Variants in STK31 observed in about 807,000 individuals in gnomAD.
The protein encoded by STK31 is serine/threonine kinase 31.
In STK31, 89 loss-of-function variants were observed where a neutral mutation model predicts 129.7. The ratio of observed to expected loss-of-function variants is 0.69; its 90% CI spans 0.58 to 0.82. STK31 has a LOEUF of 0.82. Among genes scored for constraint, STK31 ranks in the 40% least tolerant of loss-of-function variants. The pLI is 0.00. For synonymous variants in STK31, 448 were observed against 395.3 expected, an observed-to-expected ratio of 1.13 and a Z score of -1.58; for missense variants, 1,187 against 1,176.4, an observed-to-expected ratio of 1.01 and a Z score of -0.13.
In STK31 at chr7:23,735,423, A is replaced by G. The variant is rs774248170; in HGVS notation, c.484-115A>G. 8.9e-6 allele frequency: 8 copies of G among 896,274 alleles called. No individual in the cohort carries two copies. The Middle Eastern group carries it at 9.7e-4, about 108-fold the overall frequency. 55.5% of individuals were successfully genotyped at this position (896,274 alleles called of 1,614,324 possible). On this transcript the variant is annotated intron_variant, in intron 6 of 23. Coordinates refer to ENST00000355870, the MANE Select transcript of STK31 (RefSeq NM_031414.5). Reference sequence around the variant, plus strand: ...ATTTGCATATTATAGCCAACAGCAAAGTAATATAGAGATTTTAGAATGAAG... The same window carrying G: ...ATTTGCATATTATAGCCAACAGCAAGGTAATATAGAGATTTTAGAATGAAG...
chr7:23,727,288 A>C lies in STK31; in HGVS notation c.297A>C (p.Lys99Asn), dbSNP rs1787142387. The change falls in exon 5 of 24, where the codon AAA becomes AAC. Residue 99 changes from lysine (K) to asparagine (N), a missense_variant. By Grantham distance (94) the Lys-to-Asn change is moderately conservative. Around this residue, in one of 5 missense-constraint regions of STK31, gnomAD observed 103 missense variants for 110.4 expected, o/e 0.93. Transcript: ENST00000355870. Reference protein sequence around the residue: ...FSEDQCWYRCKVLKIISVEKC... With the variant: ...FSEDQCWYRCNVLKIISVEKC... ...AAGATCAGTGTTGGTACAGATGCAA[A>C]GTACTGAAAATCATCAGCGTTGAAA... 3 of 1,613,534 alleles carry C rather than the reference A, an allele frequency of 1.9e-6. No homozygotes were observed. The Admixed American group carries it at 5.0e-5, about 27-fold the overall frequency.
chr7:23,720,137 A>G (rs1188339704), intron 4 of STK31, among the ~76,000 whole-genome samples: 1 of 152,204 alleles, frequency 6.6e-6, no homozygotes, highest in Non-Finnish European at 1.5e-5. Context: ...GATATTAAGT[A>G]CAAAATGAAA....
At chr7:23,781,313 G>A (rs1444450711) in intron 15 of STK31, 106 bp from the exon 16 acceptor site, 2 of 763,300 alleles carry the variant, frequency 2.6e-6, no homozygotes, top group Non-Finnish European at 4.3e-6. Flanking sequence ...AGGTACTGAA[G>A]GATACATAGA....
At chr7:23,712,666 G>C (rs146772794) in intron 3 of STK31, among the ~76,000 whole-genome samples, 1 of 151,978 alleles carries the variant, frequency 6.6e-6, no homozygotes, top group African/African-American at 2.4e-5. Flanking sequence ...TAAAAATCTC[G>C]GTCGTTTTTT....
intron 1 of STK31, 36 bp from the exon 2 acceptor site, chr7:23,712,063 T>A: frequency 6.6e-7 from 1 of 1,515,788 alleles, no homozygotes; most frequent in Non-Finnish European, 9.1e-7. Flanking sequence ...TTATTAATGG[T>A]GGATTATTGT....
intron 22 of STK31, among the ~76,000 whole-genome samples, chr7:23,810,695 A>G (rs1793044857): frequency 9.8e-6 from 1 of 102,462 alleles, no homozygotes; most frequent in Admixed American, 1.2e-4. Flanking sequence ...TATTATATAT[A>G]AAATAGATAT....
intron 15 of STK31, among the ~76,000 whole-genome samples, chr7:23,774,549 T>A (rs967467218): frequency 6.6e-6 from 1 of 152,244 alleles, no homozygotes; most frequent in Admixed American, 6.5e-5. Flanking sequence ...TGAGCATTTT[T>A]TCATGTGTCT....
Position 23,736,935 on chromosome 7 carries a change from G to T in STK31, c.874G>T (p.Gly292Trp). 1.2e-6 allele frequency: 2 copies of T among 1,606,306 alleles called. No homozygotes were observed. The highest frequency in any genetic ancestry group is 1.7e-6 in the Non-Finnish European group (2 of 1,177,374). The change falls in exon 8 of 24, where the codon GGG becomes TGG. Residue 292 changes from glycine (G) to tryptophan (W), a missense_variant. This residue lies in a region of STK31 where 975 missense variants were observed against 934.9 expected (regional missense o/e 1.04). Coordinates refer to ENST00000355870, the MANE Select transcript of STK31 (RefSeq NM_031414.5). ...ESLAVGDFNL[G>W]SNVSLEKIKQ... ...TTTGGCTGTTGGTGACTTTAATTTA[G>T]GGTCTAACGTCAGCCTGGAAAAAAT...
intron 23 of STK31, among the ~76,000 whole-genome samples, chr7:23,824,088 G>T (rs571727873): frequency 2.0e-3 from 303 of 152,148 alleles, no homozygotes; most frequent in African/African-American, 6.5e-3. Flanking sequence ...CGGGCTCTTT[G>T]TTGGTTCCAT....
intron 17 of STK31, among the ~76,000 whole-genome samples, chr7:23,784,181 C>G (rs538292070): frequency 6.6e-6 from 1 of 152,058 alleles, no homozygotes; most frequent in African/African-American, 2.4e-5. Flanking sequence ...TTAGTAAACA[C>G]TGGTTTACTA....
chr7:23,828,577 G>A (rs531064011), intron 23 of STK31, among the ~76,000 whole-genome samples: 567 of 152,244 alleles, frequency 3.7e-3, no homozygotes, highest in Non-Finnish European at 5.1e-3. Context: ...TTCAGCTCAC[G>A]CATGGTGCGC....
intron 23 of STK31, among the ~76,000 whole-genome samples, chr7:23,825,109 T>C (rs1317597990): frequency 1.3e-5 from 2 of 152,162 alleles, no homozygotes; most frequent in Non-Finnish European, 2.9e-5. Flanking sequence ...GATGCTGGCC[T>C]CATAAAATGA....
intron 22 of STK31, among the ~76,000 whole-genome samples, chr7:23,813,600 CT>C (rs1266077485): frequency 1.3e-5 from 2 of 152,134 alleles, no homozygotes; most frequent in Non-Finnish European, 2.9e-5. Context: ...TTTTCAGAAA[CT>C]TTTCAGTTAT....
chr7:23,718,437 C>T (rs1018318978), intron 4 of STK31, among the ~76,000 whole-genome samples: 3 of 152,066 alleles, frequency 2.0e-5, no homozygotes, highest in East Asian at 1.9e-4. Context: ...CATGTAACCA[C>T]CATCCAGATC....
chr7:23,782,195 G>A (rs34688824), intron 16 of STK31, among the ~76,000 whole-genome samples: 3,556 of 152,118 alleles, frequency 0.023, 91 homozygotes, highest in Non-Finnish European at 0.03. Flanking sequence ...AATACTGACC[G>A]GGCATGGCGG....
At chr7:23,725,976 G>C (rs980110103) in intron 4 of STK31, 3 of 152,142 alleles carry the variant, frequency 2.0e-5, no homozygotes, top group African/African-American at 7.2e-5. Flanking sequence ...GAGGTGCCAG[G>C]CTCTTTTCAA....
In STK31 at chr7:23,819,331, T is replaced by C. The variant is rs917379450; in HGVS notation, c.2829+4119T>C. Among the ~76,000 whole-genome samples the C allele has an allele frequency of 8.9e-4, 136 of 152,238 alleles. 2 individuals carry two copies. Among genetic ancestry groups the C allele is most frequent in the Admixed American group, 7.2e-4 (11 of 15,282 alleles). ...ATTCAGATACTGTTTTTTGCTACTT[T>C]CTGGAGATGAAGTGACAAACTAAAA... On this transcript the variant is annotated intron_variant, in intron 23 of 23. Coordinates refer to ENST00000355870, the MANE Select transcript of STK31 (RefSeq NM_031414.5).
At chr7:23,761,503 T>C (rs1789459009) in intron 10 of STK31, among the ~76,000 whole-genome samples, 1 of 150,674 alleles carries the variant, frequency 6.6e-6, no homozygotes, top group Admixed American at 6.6e-5. Context: ...TCACTGCAAG[T>C]TCTGCCTTCC....
intron 3 of STK31, among the ~76,000 whole-genome samples, chr7:23,715,407 C>T (rs1434077241): frequency 6.7e-6 from 1 of 149,426 alleles, no homozygotes; most frequent in Admixed American, 6.7e-5. Flanking sequence ...CGCCTGAGCC[C>T]AGGAGTTTGA....
Sources: gnomAD v4.1 joint callset for allele counts (sites outside exome capture counted in the v4.1 genomes callset) on GRCh38, gnomAD v4.1.1 for gene constraint, gnomAD v4.1.1 regional missense constraint, MANE v1.5 for transcripts, NCBI Gene and HGNC (gene_info 2026-07-23, HGNC 2026-07-21) for gene names.